Variants in SLC2A4RG observed in about 807,000 individuals in gnomAD.
SLC2A4RG encodes GLUT4 enhancer factor.
SLC2A4RG carries 23 observed loss-of-function variants against 35.5 expected under a neutral mutation model. The ratio of observed to expected loss-of-function variants is 0.65; its 90% CI spans 0.47 to 0.92. The LOEUF (loss-of-function observed/expected upper bound fraction) is 0.92. Ranked by LOEUF, SLC2A4RG falls within the 40% of genes least tolerant of loss-of-function variation. The probability of loss-of-function intolerance (pLI) is 0.00; values close to 1 mark genes in which losing one functional copy is unlikely to be tolerated. For synonymous variants in SLC2A4RG, 306 were observed against 243.7 expected (o/e 1.26, Z -2.38); for missense variants, 539 against 525.0 (o/e 1.03, Z -0.26).
At position 63,741,558 on chromosome 20, in the gene SLC2A4RG, C is replaced by T; in HGVS notation, c.391+79C>T. On this transcript the variant is annotated intron_variant, in intron 3 of 7. Coordinates refer to ENST00000266077, the MANE Select transcript of SLC2A4RG (RefSeq NM_020062.4). ...CTACAGCCACCCAGCCTCTGTGGGG[C>T]AAGCAGAGCCCTCAAACCTGGGACT... The T allele has an allele frequency of 1.5e-6, 2 of 1,330,736 alleles. No homozygotes were observed. The highest frequency in any genetic ancestry group is 1.3e-5 in the South Asian group (1 of 74,598). The allele number at this position is 1,330,736 out of a possible 1,614,324, so 82.4% of individuals were successfully genotyped here. A position where few individuals can be genotyped will look rare whatever the true frequency, so the allele number is the denominator to read the frequency against.
Position 63,742,213 on chromosome 20 carries a change from C to T in SLC2A4RG, c.663C>T (p.Ile221=). Residue 221 remains isoleucine, a synonymous_variant, in exon 5 of 8, where the codon ATC becomes ATT. Coordinates refer to ENST00000266077, the MANE Select transcript of SLC2A4RG (RefSeq NM_020062.4). ...CGGCGTCGGCGATGCAGAGACACAT[C>T]CGCCTGGTGCACCTGGGGTGCGGCG... ...LSTASAMQRH[I]RLVHLGRQAE... 1 of 1,596,432 alleles carries T rather than the reference C, an allele frequency of 6.3e-7. No homozygotes were observed. The highest frequency in any genetic ancestry group is 8.5e-7 in the Non-Finnish European group (1 of 1,171,982).
chr20:63,742,238 G>C lies in SLC2A4RG; in HGVS notation c.680+8G>C, dbSNP rs773040295. ...CCGCCTGGTGCACCTGGGGTGCGGC[G>C]GGGCCTGGGGTGCGGCGGGGCCTGC... On this transcript the variant is annotated splice_region_variant and intron_variant, in intron 5 of 7. Transcript: ENST00000266077. 8.8e-6 allele frequency: 14 copies of C among 1,589,830 alleles called. No individual in the cohort carries two copies. The highest frequency in any genetic ancestry group is 7.7e-6 in the Non-Finnish European group (9 of 1,168,172).
chr20:63,743,181 A>G lies in SLC2A4RG; in HGVS notation c.*191A>G, dbSNP rs537026113. 3.7e-6 allele frequency: 2 copies of G among 542,230 alleles called. No individual in the cohort carries two copies. Among genetic ancestry groups the G allele is most frequent in the South Asian group, 2.4e-5 (1 of 42,036 alleles). 33.6% of individuals were successfully genotyped at this position (542,230 alleles called of 1,614,324 possible). ...CGCCAGGTCGGGGAGGGGTCCCACCACTCAAAGTGCCTCTAAAGAAACCAG... is the reference window on the plus strand; with the variant it reads ...CGCCAGGTCGGGGAGGGGTCCCACCGCTCAAAGTGCCTCTAAAGAAACCAG... On this transcript the variant is annotated 3_prime_UTR_variant, in exon 8 of 8. Coordinates refer to ENST00000266077, the MANE Select transcript of SLC2A4RG (RefSeq NM_020062.4).
Position 63,743,049 on chromosome 20 carries a change from C to T in SLC2A4RG, c.*59C>T, listed in dbSNP as rs542550364. 1.5e-4 allele frequency: 181 copies of T among 1,221,178 alleles called. 1 individual carries two copies. In the African/African-American group the frequency reaches 2.4e-3, roughly 17 times the overall value. 75.6% of individuals were successfully genotyped at this position (1,221,178 alleles called of 1,614,324 possible). On this transcript the variant is annotated 3_prime_UTR_variant, in exon 8 of 8. Coordinates refer to ENST00000266077, the MANE Select transcript of SLC2A4RG (RefSeq NM_020062.4). Reference sequence around the variant, plus strand: ...TCTCCCTCCCCACCCCCTCCAGGCCCGGGGCTGAAACAGCCCGAGGACAGC... The same window carrying T: ...TCTCCCTCCCCACCCCCTCCAGGCCTGGGGCTGAAACAGCCCGAGGACAGC...
chr20:63,742,745 G>T lies in SLC2A4RG; in HGVS notation c.1007G>T (p.Gly336Val). The T allele has an allele frequency of 6.3e-7, 1 of 1,595,936 alleles. No homozygotes were observed. The highest frequency in any genetic ancestry group is 1.1e-5 in the South Asian group (1 of 88,756). ...ARLEPQPTEV[G>V]ACPPALSSRI... Reference sequence around the variant, plus strand: ...CTGGAGCCGCAGCCCACGGAGGTCGGAGCCTGCCCACCCGCCTTGTCCTCC... The same window carrying T: ...CTGGAGCCGCAGCCCACGGAGGTCGTAGCCTGCCCACCCGCCTTGTCCTCC... The change falls in exon 7 of 8, where the codon GGA becomes GTA. Residue 336 changes from glycine (G) to valine (V), a missense_variant. Physicochemically the swap from Gly to Val is moderately radical, Grantham distance 109 (BLOSUM62 -3). Transcript: ENST00000266077.
intron 6 of SLC2A4RG, 38 bp downstream of exon 6, chr20:63,742,653 A>G (rs1283302798): frequency 1.9e-6 from 3 of 1,585,228 alleles, no homozygotes; most frequent in South Asian, 2.3e-5. Flanking sequence ...GGCGGGTCTC[A>G]GGGCTCTCTG....
Position 63,742,633 on chromosome 20 carries a change from T to G in SLC2A4RG, c.960+18T>G. On this transcript the variant is annotated intron_variant, in intron 6 of 7. Coordinates refer to ENST00000266077, the MANE Select transcript of SLC2A4RG (RefSeq NM_020062.4). ...TCTACCAGGTGGGTGAGGCCACGGG[T>G]GGCAGCTGGGGCGGGTCTCAGGGCT... 6 of 1,576,322 alleles carry G rather than the reference T, an allele frequency of 3.8e-6. No homozygotes were observed. Among genetic ancestry groups the G allele is most frequent in the African/African-American group, 1.3e-5 (1 of 74,406 alleles).
At chr20:63,740,625 C>T (rs1224672965) in intron 2 of SLC2A4RG, 94 bp downstream of exon 2, 2 of 1,178,340 alleles carry the variant, frequency 1.7e-6, no homozygotes, top group Non-Finnish European at 2.1e-6. Context: ...CAGGTCAGGG[C>T]CCCAGGTTTG....
Position 63,742,090 on chromosome 20 carries a change from G to A in SLC2A4RG, c.579+34G>A, listed in dbSNP as rs376262034. On this transcript the variant is annotated intron_variant, in intron 4 of 7. Transcript: ENST00000266077. ...GGGGGCGGCCCCCAGGGAGGGGCGG[G>A]TGTGGCGGCTGAGCCTGACCCTGGC... is the stretch of plus-strand genomic sequence containing the variant. The A allele has an allele frequency of 1.3e-5, 21 of 1,607,074 alleles. No individual in the cohort carries two copies. In the Admixed American group the frequency reaches 3.2e-4, roughly 24 times the overall value.
In SLC2A4RG at chr20:63,741,857, G is replaced by T. The variant is rs772231213; in HGVS notation, c.392-12G>T. The stretch of plus-strand genomic sequence containing the variant: ...CCCGAAGTTCTAAGGCGGGGGGCCC[G>T]TGTCCCCACAGAGCCTGGCCTGGAG... On this transcript the variant is annotated splice_polypyrimidine_tract_variant and intron_variant, in intron 3 of 7. Coordinates refer to ENST00000266077, the MANE Select transcript of SLC2A4RG (RefSeq NM_020062.4). The T allele has an allele frequency of 3.2e-6, 5 of 1,575,656 alleles. No individual in the cohort carries two copies. Among genetic ancestry groups the T allele is most frequent in the South Asian group, 1.1e-5 (1 of 87,144 alleles).
chr20:63,740,959 TGGCTGCTGCC>T (rs2092038501), intron 2 of SLC2A4RG, among the ~76,000 whole-genome samples: 1 of 152,162 alleles, frequency 6.6e-6, no homozygotes, highest in African/African-American at 2.4e-5. Flanking sequence ...AGTCTCCCCC[TGGCTGCTGCC>T]GGCTGCTGGC....
intron 3 of SLC2A4RG, 93 bp downstream of exon 3, chr20:63,741,572 A>C (rs773890422): frequency 1.6e-6 from 2 of 1,262,014 alleles, no homozygotes; most frequent in Non-Finnish European, 2.2e-6. Flanking sequence ...CAGAGCCCTC[A>C]AACCTGGGAC....
In SLC2A4RG at chr20:63,742,718, G is replaced by C; in HGVS notation, c.980G>C (p.Arg327Pro). The change falls in exon 7 of 8, where the codon CGC becomes CCC. Residue 327 changes from arginine to proline, a missense_variant. Coordinates refer to ENST00000266077, the MANE Select transcript of SLC2A4RG (RefSeq NM_020062.4). Reference sequence around the variant, plus strand: ...CTGTAGGGCTGCCTGACGCCCGCCCGCCTGGAGCCGCAGCCCACGGAGGTC... The same window carrying C: ...CTGTAGGGCTGCCTGACGCCCGCCCCCCTGGAGCCGCAGCCCACGGAGGTC... Reference protein sequence around the residue: ...RVYQGCLTPARLEPQPTEVGA... With the variant: ...RVYQGCLTPAPLEPQPTEVGA... 1.3e-6 allele frequency: 2 copies of C among 1,595,832 alleles called. No individual in the cohort carries two copies. The highest frequency in any genetic ancestry group is 1.1e-5 in the South Asian group (1 of 88,710).
In SLC2A4RG at chr20:63,743,049, C is replaced by A; in HGVS notation, c.*59C>A. On this transcript the variant is annotated 3_prime_UTR_variant, in exon 8 of 8. Transcript: ENST00000266077. Reference sequence around the variant, plus strand: ...TCTCCCTCCCCACCCCCTCCAGGCCCGGGGCTGAAACAGCCCGAGGACAGC... The same window carrying A: ...TCTCCCTCCCCACCCCCTCCAGGCCAGGGGCTGAAACAGCCCGAGGACAGC... The A allele has an allele frequency of 4.1e-6, 5 of 1,221,170 alleles. No homozygotes were observed. The allele number at this position is 1,221,170 out of a possible 1,614,324, so 75.6% of individuals were successfully genotyped here.
Position 63,740,474 on chromosome 20 carries a change from C to CG in SLC2A4RG, c.229dup (p.Ala77GlyfsTer88). ...GACCTGGGGGCCCCCCGGACGTGGACGGGGGCGGCGGCGGGGCCCCGGACT... is the reference window on the plus strand; with the variant it reads ...GACCTGGGGGCCCCCCGGACGTGGACGGGGGGCGGCGGCGGGGCCCCGGACT... On this transcript the variant is annotated frameshift_variant, in exon 2 of 8. Transcript: ENST00000266077. LOFTEE classifies it high-confidence loss of function. 1 of 1,229,826 alleles carries CG rather than the reference C, an allele frequency of 8.1e-7. No homozygotes were observed. Among genetic ancestry groups the CG allele is most frequent in the Non-Finnish European group, 1.0e-6 (1 of 986,080 alleles). The allele number at this position is 1,229,826 out of a possible 1,614,324, so 76.2% of individuals were successfully genotyped here.
rs1468745826 is a variant in SLC2A4RG at position 63,740,394 on chromosome 20, C to T, written c.144C>T (p.Gly48=). 1.5e-5 allele frequency: 19 copies of T among 1,228,840 alleles called. No individual in the cohort carries two copies. Among genetic ancestry groups the T allele is most frequent in the East Asian group, 9.6e-5 (3 of 31,324 alleles). 76.1% of individuals were successfully genotyped at this position (1,228,840 alleles called of 1,614,324 possible). ...ATCCGCAGGGCTCTTCCGTGGGCGG[C>T]GGCTTCGCGGGCTTGGAGTTCGCGC... ...PTPPQGSSVG[G]GFAGLEFARP... is the part of the protein sequence containing the mutation. The change falls in exon 2 of 8, where the codon GGC becomes GGT. Residue 48 remains glycine (G), a synonymous_variant. Coordinates refer to ENST00000266077, the MANE Select transcript of SLC2A4RG (RefSeq NM_020062.4).
chr20:63,741,413 G>A lies in SLC2A4RG; in HGVS notation c.325G>A (p.Ala109Thr), dbSNP rs767965534. ...KARLDEVMAA[A>T]ALTSLSTSPL... Reference sequence around the variant, plus strand: ...CCGGCTGGACGAGGTCATGGCTGCCGCTGCCCTTACAAGCCTGTCCACCAG... The same window carrying A: ...CCGGCTGGACGAGGTCATGGCTGCCACTGCCCTTACAAGCCTGTCCACCAG... The change falls in exon 3 of 8, where the codon GCT becomes ACT. Residue 109 changes from alanine to threonine, a missense_variant. Ala to Thr is a moderately conservative substitution (Grantham distance 58). Transcript: ENST00000266077. 2.4e-5 allele frequency: 38 copies of A among 1,613,008 alleles called. No individual in the cohort carries two copies. Among genetic ancestry groups the A allele is most frequent in the African/African-American group, 2.7e-5 (2 of 74,890 alleles).
At chr20:63,741,750 GCTC>G (rs2092042700) in intron 3 of SLC2A4RG, 116 bp from the exon 4 acceptor site, 78 of 1,439,038 alleles carry the variant, frequency 5.4e-5, no homozygotes, top group Non-Finnish European at 7.0e-5. Context: ...CCTGGGGCCA[GCTC>G]CTCCAAGACG....
intron 1 of SLC2A4RG, 121 bp from the exon 2 acceptor site, chr20:63,740,256 C>A (rs2092034931): frequency 7.7e-6 from 5 of 647,588 alleles, no homozygotes; most frequent in Non-Finnish European, 1.0e-5. Context: ...CGGGGCCGCG[C>A]CGTCCACACC....
Sources: allele counts gnomAD v4.1 joint callset (sites outside exome capture counted in the v4.1 genomes callset), GRCh38; gene constraint gnomAD v4.1.1; transcripts MANE v1.5; gene names NCBI Gene and HGNC (gene_info 2026-07-23, HGNC 2026-07-21).